The following RSRC1 variants were observed in gnomAD, a reference collection of about 807,000 sequenced individuals.
RSRC1 encodes the protein arginine and serine rich coiled-coil 1, also known as serine/Arginine-related protein 53.
A neutral mutation model predicts 49.1 loss-of-function variants in RSRC1; 39 were observed. The ratio of observed to expected loss-of-function variants is 0.79; its 90% CI spans 0.61 to 1.04. The LOEUF is 1.04. Among genes scored for constraint, RSRC1 ranks in the 50% least tolerant of loss-of-function variants. RSRC1 has a pLI of 0.00. For synonymous variants in RSRC1, 143 were observed against 130.8 expected (o/e 1.09, Z -0.63); for missense variants, 388 against 402.4 (o/e 0.96, Z 0.31).
chr3:158,401,113 T>G (rs1038405772), intron 6 of RSRC1, among the ~76,000 whole-genome samples: 3 of 152,088 alleles, frequency 2.0e-5, no homozygotes, highest in African/African-American at 7.2e-5. Flanking sequence ...CTGTATAGCC[T>G]AGATGTGTAG....
intron 6 of RSRC1, among the ~76,000 whole-genome samples, chr3:158,443,489 T>C (rs1736498845): frequency 6.6e-6 from 1 of 152,190 alleles, no homozygotes; most frequent in Non-Finnish European, 1.5e-5. Context: ...TTCAGCAGCT[T>C]CCTCACCTCT....
intron 7 of RSRC1, among the ~76,000 whole-genome samples, chr3:158,466,557 A>G (rs529752090): frequency 3.7e-4 from 56 of 152,342 alleles, no homozygotes; most frequent in African/African-American, 1.2e-3. Context: ...TAGAGAAGCT[A>G]GTACAATCTA....
chr3:158,490,874 T>A (rs1300176130), intron 7 of RSRC1, among the ~76,000 whole-genome samples: 1 of 152,208 alleles, frequency 6.6e-6, no homozygotes, highest in African/African-American at 2.4e-5. Context: ...AATGCATTGC[T>A]ATGATAACTT....
intron 4 of RSRC1, among the ~76,000 whole-genome samples, chr3:158,224,789 ATT>A (rs973073409): frequency 6.6e-6 from 1 of 151,860 alleles, no homozygotes; most frequent in African/African-American, 2.4e-5. Flanking sequence ...TTTAGATATA[ATT>A]ATTTTTATGA....
At chr3:158,503,839 C>G (rs549432688) in intron 7 of RSRC1, among the ~76,000 whole-genome samples, 3 of 152,286 alleles carry the variant, frequency 2.0e-5, no homozygotes, top group Admixed American at 6.5e-5. Context: ...GTTCTTCCCC[C>G]ACCTGTGGAG....
chr3:158,445,830 T>G (rs1736679487), intron 6 of RSRC1, among the ~76,000 whole-genome samples: 1 of 152,080 alleles, frequency 6.6e-6, no homozygotes, highest in Non-Finnish European at 1.5e-5. Context: ...ACAATATAAA[T>G]AAAGTTTAAA....
intron 7 of RSRC1, among the ~76,000 whole-genome samples, chr3:158,485,770 T>G (rs1738792635): frequency 1.3e-5 from 2 of 152,282 alleles, no homozygotes; most frequent in Admixed American, 1.3e-4. Flanking sequence ...ACAGGTTGAC[T>G]TCAATAAATT....
intron 5 of RSRC1, chr3:158,303,194 C>T (rs574814191): frequency 4.5e-4 from 69 of 152,322 alleles, no homozygotes; most frequent in African/African-American, 1.5e-3. Flanking sequence ...AAAAATGATG[C>T]TATCCTTTTC....
At chr3:158,363,904 C>G (rs142600751) in intron 6 of RSRC1, among the ~76,000 whole-genome samples, 83 of 152,194 alleles carry the variant, frequency 5.5e-4, no homozygotes, top group African/African-American at 1.9e-3. Flanking sequence ...AGGGACCCTT[C>G]CTAGGAGAGA....
chr3:158,249,514 C>G (rs888634964), intron 4 of RSRC1, among the ~76,000 whole-genome samples: 4 of 152,134 alleles, frequency 2.6e-5, no homozygotes, highest in African/African-American at 9.7e-5. Flanking sequence ...TTTCATTCAC[C>G]TAGTGAGGGA....
At chr3:158,318,028 T>C (rs6797846) in intron 5 of RSRC1, among the ~76,000 whole-genome samples, 541 of 47,236 alleles carry the variant, frequency 0.011, no homozygotes, top group African/African-American at 0.019. Flanking sequence ...TGTGTGTGCG[T>C]GTGTGTGTGT....
Position 158,203,145 on chromosome 3 carries a change from C to G in RSRC1, c.394C>G (p.Arg132Gly), listed in dbSNP as rs201630053. The G allele has an allele frequency of 1.2e-6, 2 of 1,613,386 alleles. No individual in the cohort carries two copies. Among genetic ancestry groups the G allele is most frequent in the African/African-American group, 1.3e-5 (1 of 74,840 alleles). ...ERSSHRRTRS[R>G]SRDRERRKGR... is the part of the protein sequence containing the mutation. ...GTCCAGTCACAGAAGAACGCGTAGTCGGTCTCGGGATAGAGAACGACGTAA... is the reference window on the plus strand; with the variant it reads ...GTCCAGTCACAGAAGAACGCGTAGTGGGTCTCGGGATAGAGAACGACGTAA... The change falls in exon 4 of 10, where the codon CGG becomes GGG. Residue 132 changes from arginine to glycine, a missense_variant. Coordinates refer to ENST00000611884, the MANE Select transcript of RSRC1 (RefSeq NM_001271838.2).
At chr3:158,196,544 A>G (rs901189816) in intron 3 of RSRC1, among the ~76,000 whole-genome samples, 1 of 152,168 alleles carries the variant, frequency 6.6e-6, no homozygotes, top group Non-Finnish European at 1.5e-5. Context: ...TATGTTGAAT[A>G]GGAGTGGTGA....
intron 9 of RSRC1, 76 bp from the exon 10 acceptor site, chr3:158,544,107 T>C: frequency 1.1e-6 from 1 of 943,860 alleles, no homozygotes; most frequent in South Asian, 1.3e-5. Flanking sequence ...TCTACAAAGG[T>C]GAGTTCTGTC....
chr3:158,310,904 T>G (rs1363633647), intron 5 of RSRC1, among the ~76,000 whole-genome samples: 1 of 151,860 alleles, frequency 6.6e-6, no homozygotes, highest in African/African-American at 2.4e-5. Flanking sequence ...TATTACTTCT[T>G]TCTTCCCTCC....
intron 3 of RSRC1, among the ~76,000 whole-genome samples, chr3:158,139,169 G>A (rs933671893): frequency 1.3e-5 from 2 of 152,116 alleles, no homozygotes; most frequent in Non-Finnish European, 2.9e-5. Context: ...GGGAGGCTCA[G>A]GCAGGTGGAT....
intron 4 of RSRC1, among the ~76,000 whole-genome samples, chr3:158,279,870 A>G (rs1726042112): frequency 6.6e-6 from 1 of 152,180 alleles, no homozygotes; most frequent in Non-Finnish European, 1.5e-5. Context: ...GATTATGTGG[A>G]ACTATTGGGT....
At chr3:158,217,544 A>C (rs180708469) in intron 4 of RSRC1, among the ~76,000 whole-genome samples, 1 of 151,578 alleles carries the variant, frequency 6.6e-6, no homozygotes. Context: ...TCCTCACATT[A>C]AATTAATTAT....
chr3:158,165,754 C>G (rs1055664269), intron 3 of RSRC1, among the ~76,000 whole-genome samples: 3 of 152,208 alleles, frequency 2.0e-5, no homozygotes, highest in Admixed American at 6.5e-5. Flanking sequence ...TCTTCTTATT[C>G]CATATTTGCT....
Sources: allele counts gnomAD v4.1 joint callset (sites outside exome capture counted in the v4.1 genomes callset), GRCh38; gene constraint gnomAD v4.1.1; transcripts MANE v1.5; gene names NCBI Gene and HGNC (gene_info 2026-07-23, HGNC 2026-07-21).